WDR7: variants seen among roughly 807,000 people sequenced by gnomAD.
WDR7 encodes WD repeat domain 7, also known as WD repeat-containing protein 7.
In WDR7, 46 loss-of-function variants were observed where a neutral mutation model predicts 169.4. The ratio of observed to expected loss-of-function variants is 0.27; its 90% CI spans 0.21 to 0.35. The LOEUF (loss-of-function observed/expected upper bound fraction) is 0.35, where lower values mean the gene tolerates loss of function less well. Ranked by LOEUF, WDR7 falls within the 10% of genes least tolerant of loss-of-function variation. The pLI is 1.00. For synonymous variants in WDR7, 612 were observed against 666.8 expected (o/e 0.92, Z 1.27); for missense variants, 1,534 against 1,859.3 (o/e 0.83, Z 3.22).
At chr18:57,002,383 T>A (rs956332471) in intron 26 of WDR7, among the ~76,000 whole-genome samples, 1 of 152,186 alleles carries the variant, frequency 6.6e-6, no homozygotes, top group African/African-American at 2.4e-5. Flanking sequence ...AAACTGTGCA[T>A]TGAAAATAAT....
chr18:56,724,594 T>G (rs931479880), intron 13 of WDR7, among the ~76,000 whole-genome samples: 12 of 151,854 alleles, frequency 7.9e-5, no homozygotes, highest in Non-Finnish European at 1.6e-4. Flanking sequence ...TTCCTGTAAA[T>G]TTTTTTGAGC....
chr18:56,755,608 A>C (rs1473471815), intron 14 of WDR7, among the ~76,000 whole-genome samples: 3 of 152,234 alleles, frequency 2.0e-5, no homozygotes, highest in Admixed American at 1.3e-4. Context: ...TGAGGTAGGT[A>C]CTGTGGGATA....
At position 56,682,665 on chromosome 18, in the gene WDR7, TGGCA is replaced by T. The variant is rs1317158790; in HGVS notation, c.346-13_346-10del. 3.7e-6 allele frequency: 6 copies of T among 1,603,404 alleles called. No homozygotes were observed. The Admixed American group carries it at 8.9e-5, about 24-fold the overall frequency. On this transcript the variant is annotated splice_polypyrimidine_tract_variant and intron_variant, in intron 4 of 27. Transcript: ENST00000254442. ...AACACTCAGAAATCTTTTTTCCTTTTGGCATGAATGTAGTTCTACCAGTTCTCTG... is the reference window on the plus strand; with the variant it reads ...AACACTCAGAAATCTTTTTTCCTTTTTGAATGTAGTTCTACCAGTTCTCTG...
At chr18:57,009,441 T>A (rs560589376) in intron 26 of WDR7, among the ~76,000 whole-genome samples, 1 of 152,332 alleles carries the variant, frequency 6.6e-6, no homozygotes, top group East Asian at 1.9e-4. Flanking sequence ...GTTACATGAC[T>A]AAATAACTTG....
chr18:56,855,460 T>C (rs1375741483), intron 20 of WDR7, among the ~76,000 whole-genome samples: 4 of 152,204 alleles, frequency 2.6e-5, no homozygotes, highest in African/African-American at 7.2e-5. Context: ...TAAGAAATTC[T>C]TCCTTATGCC....
chr18:56,654,035 C>T (rs1395459653), intron 1 of WDR7, among the ~76,000 whole-genome samples: 2 of 152,200 alleles, frequency 1.3e-5, no homozygotes, highest in African/African-American at 4.8e-5. Flanking sequence ...TGGTTTTATT[C>T]AGTGCTCCAA....
chr18:56,796,717 A>G (rs2044591032), intron 19 of WDR7, among the ~76,000 whole-genome samples: 1 of 152,190 alleles, frequency 6.6e-6, no homozygotes, highest in African/African-American at 2.4e-5. Context: ...TCCATGAACT[A>G]TGATCAGTTC....
intron 20 of WDR7, among the ~76,000 whole-genome samples, chr18:56,868,982 G>C (rs553545783): frequency 1.3e-5 from 2 of 152,186 alleles, no homozygotes; most frequent in Admixed American, 6.5e-5. Flanking sequence ...AAATTAACTT[G>C]TTATTCAGGT....
chr18:57,008,678 C>T (rs149699612), intron 26 of WDR7, among the ~76,000 whole-genome samples: 175 of 152,298 alleles, frequency 1.1e-3, no homozygotes, highest in African/African-American at 3.7e-3. Flanking sequence ...CATCTCCTGC[C>T]GCTGGACAGA....
intron 21 of WDR7, among the ~76,000 whole-genome samples, chr18:56,904,074 A>T (rs1180539403): frequency 6.7e-6 from 1 of 148,158 alleles, no homozygotes; most frequent in Non-Finnish European, 1.5e-5. Flanking sequence ...GCTCAAAATA[A>T]TTTTTTTTTT....
chr18:56,819,183 G>A (rs1211068159), intron 20 of WDR7, among the ~76,000 whole-genome samples: 1 of 152,130 alleles, frequency 6.6e-6, no homozygotes, highest in African/African-American at 2.4e-5. Context: ...GCCTTTGTTA[G>A]CATTTGCCTT....
Position 56,694,734 on chromosome 18 carries a change from C to T in WDR7, c.1082C>T (p.Thr361Ile), listed in dbSNP as rs2025659832. ...TTGAATATTTGGAACATATCAGACA[C>T]AGCTGATAAACAGGGAAGTGAAGAA... ...GRLNIWNISD[T>I]ADKQGSEEGL... Residue 361 changes from threonine (T) to isoleucine (I), a missense_variant, in exon 10 of 28, where the codon ACA becomes ATA. Physicochemically the swap from Thr to Ile is moderately conservative, Grantham distance 89 (BLOSUM62 -1). Transcript: ENST00000254442. 8 of 1,611,838 alleles carry T rather than the reference C, an allele frequency of 5.0e-6. No homozygotes were observed. Among genetic ancestry groups the T allele is most frequent in the Non-Finnish European group, 6.8e-6 (8 of 1,179,130 alleles).
intron 20 of WDR7, among the ~76,000 whole-genome samples, chr18:56,856,866 C>T (rs1392902538): frequency 6.6e-6 from 1 of 152,084 alleles, no homozygotes; most frequent in African/African-American, 2.4e-5. Context: ...CACAGCTATT[C>T]TAAAAGTTTT....
chr18:57,006,726 A>G (rs2048063140), intron 26 of WDR7, among the ~76,000 whole-genome samples: 1 of 152,226 alleles, frequency 6.6e-6, no homozygotes, highest in South Asian at 2.1e-4. Flanking sequence ...TAAAGTATCC[A>G]GCATTTTTTG....
rs1296584725 is a variant in WDR7, at chr18:56,672,656, T to A, written c.141T>A (p.Asp47Glu). The A allele has an allele frequency of 2.5e-6, 4 of 1,609,906 alleles. No homozygotes were observed. The highest frequency in any genetic ancestry group is 3.4e-6 in the Non-Finnish European group (4 of 1,178,352). ...ACGACGGACAAATATGTCTCTGGGA[T>A]CTTTCAGTAGAACTGCAAGTGAGTA... ...GCHDGQICLW[D>E]LSVELQINPR... The change falls in exon 2 of 28, where the codon GAT becomes GAA. Residue 47 changes from aspartate (D) to glutamate (E), a missense_variant. Coordinates refer to ENST00000254442, the MANE Select transcript of WDR7 (RefSeq NM_015285.3).
At chr18:56,764,454 A>T (rs1344480742) in intron 16 of WDR7, among the ~76,000 whole-genome samples, 2 of 152,150 alleles carry the variant, frequency 1.3e-5, no homozygotes, top group Non-Finnish European at 2.9e-5. Context: ...AGTGTACAAC[A>T]TGATGTTTTG....
At chr18:56,807,388 G>T (rs926089099) in intron 19 of WDR7, among the ~76,000 whole-genome samples, 2 of 151,874 alleles carry the variant, frequency 1.3e-5, no homozygotes, top group Admixed American at 1.3e-4. Context: ...TGTGTCTTTT[G>T]AAACCAAAAT....
At chr18:56,779,326 A>G (rs1458654336) in intron 17 of WDR7, 105 bp from the exon 18 acceptor site, 16 of 723,420 alleles carry the variant, frequency 2.2e-5, no homozygotes, top group Non-Finnish European at 3.4e-5. Flanking sequence ...AATATAACTT[A>G]GCAGATCTGC....
intron 12 of WDR7, among the ~76,000 whole-genome samples, chr18:56,712,058 C>T (rs561575792): frequency 7.2e-5 from 11 of 152,236 alleles, no homozygotes; most frequent in Non-Finnish European, 1.3e-4. Context: ...AAGACCATTG[C>T]TTCTGAAATG....
Sources: gnomAD v4.1 joint callset for allele counts (sites outside exome capture counted in the v4.1 genomes callset) on GRCh38, gnomAD v4.1.1 for gene constraint, MANE v1.5 for transcripts, NCBI Gene and HGNC (gene_info 2026-07-23, HGNC 2026-07-21) for gene names.